Variants in IL1RAPL1 observed in about 807,000 individuals in gnomAD.
IL1RAPL1 encodes interleukin-1 receptor accessory protein-like 1.
IL1RAPL1 carries 3 observed loss-of-function variants against 48.4 expected under a neutral mutation model. The ratio of observed to expected loss-of-function variants is 0.06; its 90% CI spans 0.03 to 0.16. IL1RAPL1 has a LOEUF of 0.16. Ranked by LOEUF, IL1RAPL1 falls within the 10% of genes least tolerant of loss-of-function variation. The pLI, the probability that IL1RAPL1 is intolerant of heterozygous loss-of-function variation, is 1.00. For missense variants in IL1RAPL1, 349 were observed against 530.6 expected, an observed-to-expected ratio of 0.66 and a Z score of 3.36; for synonymous variants, 185 against 187.7, an observed-to-expected ratio of 0.99 and a Z score of 0.12.
At chrX:29,425,200 AT>A (rs1248370846) in intron 5 of IL1RAPL1, among the ~76,000 whole-genome samples, 2 of 112,246 alleles carry the variant, frequency 1.8e-5, no homozygotes, top group Non-Finnish European at 3.8e-5. Context: ...TTCCAAAATA[AT>A]GGACTCCAAC....
chrX:28,688,689 T>G (rs904444362), intron 1 of IL1RAPL1, among the ~76,000 whole-genome samples: 4 of 111,842 alleles, frequency 3.6e-5, no homozygotes, highest in Non-Finnish European at 7.5e-5. Context: ...TAATCCACAT[T>G]TTCTGATTTT....
chrX:29,185,097 C>T (rs765659603), intron 2 of IL1RAPL1, among the ~76,000 whole-genome samples: 201 of 112,118 alleles, frequency 1.8e-3, no homozygotes, highest in African/African-American at 5.6e-3. Flanking sequence ...CTTTCAGTAA[C>T]ACCTTCTAAA....
intron 3 of IL1RAPL1, among the ~76,000 whole-genome samples, chrX:29,302,507 T>C (rs1210604291): frequency 9.0e-6 from 1 of 111,719 alleles, no homozygotes; most frequent in East Asian, 2.8e-4. Context: ...GGTGGTAAGA[T>C]AGTATATGGC....
chrX:29,156,778 C>T (rs1231529852), intron 2 of IL1RAPL1, among the ~76,000 whole-genome samples: 4 of 111,685 alleles, frequency 3.6e-5, no homozygotes, highest in Admixed American at 2.9e-4. Context: ...AATCAGGACT[C>T]ATTTTTATCA....
At chrX:29,095,423 T>A (rs1428250919) in intron 2 of IL1RAPL1, among the ~76,000 whole-genome samples, 1 of 111,230 alleles carries the variant, frequency 9.0e-6, no homozygotes, top group African/African-American at 3.3e-5. Flanking sequence ...TATTTAGGAT[T>A]GTTGAAACTG....
intron 2 of IL1RAPL1, among the ~76,000 whole-genome samples, chrX:29,198,877 TA>T (rs1427925368): frequency 1.8e-5 from 2 of 111,712 alleles, no homozygotes; most frequent in Non-Finnish European, 3.8e-5. Flanking sequence ...TAATAACCAT[TA>T]AAATGGACTA....
At chrX:29,306,530 GAAAAAAAA>G (rs1166748708) in intron 3 of IL1RAPL1, among the ~76,000 whole-genome samples, 446 of 33,437 alleles carry the variant, frequency 0.013, no homozygotes, top group Non-Finnish European at 0.016. Flanking sequence ...TCTGTCAAAA[GAAAAAAAA>G]AAAAAAAAAA....
At chrX:29,188,325 T>A (rs1478925653) in intron 2 of IL1RAPL1, among the ~76,000 whole-genome samples, 2 of 111,733 alleles carry the variant, frequency 1.8e-5, no homozygotes, top group East Asian at 5.6e-4. Flanking sequence ...ATGTGATTTT[T>A]TCCCCTAGTG....
At chrX:28,733,605 G>A (rs966945053) in intron 1 of IL1RAPL1, among the ~76,000 whole-genome samples, 41 of 111,288 alleles carry the variant, frequency 3.7e-4, no homozygotes, top group African/African-American at 1.1e-3. Context: ...TTGACTCTTG[G>A]TATACCTTCA....
intron 2 of IL1RAPL1, among the ~76,000 whole-genome samples, chrX:29,083,260 G>A (rs1160620736): frequency 3.6e-5 from 4 of 111,714 alleles, no homozygotes; most frequent in Middle Eastern, 9.2e-3. Flanking sequence ...GAAAATTCCA[G>A]GAACTAAAAC....
intron 2 of IL1RAPL1, among the ~76,000 whole-genome samples, chrX:29,012,069 C>A (rs970829522): frequency 3.6e-5 from 4 of 112,035 alleles, no homozygotes; most frequent in African/African-American, 1.3e-4. Context: ...GATTTTGGCA[C>A]CACAGTGCAT....
At chrX:29,802,787 G>GTATATATA (rs1278232304) in intron 6 of IL1RAPL1, among the ~76,000 whole-genome samples, 1 of 25,544 alleles carries the variant, frequency 3.9e-5, no homozygotes, top group African/African-American at 1.4e-4. Context: ...ATATATGTGT[G>GTATATATA]TGTGTATATA....
At chrX:29,218,540 C>A (rs1930919171) in intron 2 of IL1RAPL1, among the ~76,000 whole-genome samples, 1 of 111,516 alleles carries the variant, frequency 9.0e-6, no homozygotes. Flanking sequence ...TATCCTATGT[C>A]TATGGTCTTA....
chrX:28,831,020 C>CTT (rs1569181998), intron 2 of IL1RAPL1, among the ~76,000 whole-genome samples: 2 of 65,887 alleles, frequency 3.0e-5, no homozygotes, highest in African/African-American at 1.4e-4. Flanking sequence ...CTCTCTCTCT[C>CTT]TCTCTCTGTG....
intron 2 of IL1RAPL1, among the ~76,000 whole-genome samples, chrX:28,820,690 T>C (rs1936927447): frequency 2.7e-5 from 3 of 110,987 alleles, no homozygotes. Flanking sequence ...GAAGCTAGCA[T>C]TTGAGTTCAC....
At chrX:29,006,534 C>T (rs1457512515) in intron 2 of IL1RAPL1, among the ~76,000 whole-genome samples, 7 of 107,592 alleles carry the variant, frequency 6.5e-5, no homozygotes, top group Non-Finnish European at 5.8e-5. Context: ...AAAAAAAATC[C>T]CACACCTCCT....
chrX:29,044,111 A>G, intron 2 of IL1RAPL1, among the ~76,000 whole-genome samples: 1 of 111,877 alleles, frequency 8.9e-6, no homozygotes, highest in Non-Finnish European at 1.9e-5. Flanking sequence ...TTAAGGTCTT[A>G]GAAGTTCTGT....
At chrX:28,810,901 A>G (rs765961552) in intron 2 of IL1RAPL1, among the ~76,000 whole-genome samples, 1 of 109,802 alleles carries the variant, frequency 9.1e-6, no homozygotes, top group African/African-American at 3.3e-5. Context: ...GAAATTTCTG[A>G]TAGGTACAGA....
chrX:29,587,989 C>G (rs1451677033), intron 5 of IL1RAPL1, among the ~76,000 whole-genome samples: 1 of 112,489 alleles, frequency 8.9e-6, no homozygotes, highest in Non-Finnish European at 1.9e-5. Context: ...GGCTCCAATT[C>G]TACCATAAGC....
Sources: allele counts gnomAD v4.1 joint callset (sites outside exome capture counted in the v4.1 genomes callset), GRCh38; gene constraint gnomAD v4.1.1; transcripts MANE v1.5; gene names NCBI Gene and HGNC (gene_info 2026-07-23, HGNC 2026-07-21).